APBB2: variants seen among roughly 807,000 people sequenced by gnomAD.
APBB2 encodes the protein amyloid beta precursor protein binding family B member 2.
In APBB2, 38 loss-of-function variants were observed where a neutral mutation model predicts 82.5. The ratio of observed to expected loss-of-function variants is 0.46; its 90% confidence interval spans 0.36 to 0.60. The LOEUF (loss-of-function observed/expected upper bound fraction) is 0.60. Ranked by LOEUF, APBB2 falls within the 20% of genes least tolerant of loss-of-function variation. APBB2 has a pLI of 0.00. For missense variants in APBB2, 772 were observed against 972.3 expected, an observed-to-expected ratio of 0.79 and a Z score of 2.74; for synonymous variants, 341 against 368.2, an observed-to-expected ratio of 0.93 and a Z score of 0.85.
chr4:40,859,332 G>A (rs1420338307), intron 12 of APBB2, among the ~76,000 whole-genome samples: 4 of 149,872 alleles, frequency 2.7e-5, no homozygotes, highest in African/African-American at 7.4e-5. Flanking sequence ...TGCAGTGGCC[G>A]CTATCTTGGC....
At chr4:40,887,961 G>C (rs1770810055) in intron 12 of APBB2, among the ~76,000 whole-genome samples, 1 of 152,152 alleles carries the variant, frequency 6.6e-6, no homozygotes, top group Non-Finnish European at 1.5e-5. Flanking sequence ...TTCCTGCTTT[G>C]TAGGACAACT....
At position 40,905,405 on chromosome 4, in the gene APBB2, G is replaced by A. The variant is rs77902837; in HGVS notation, c.1255-11994C>T. 3.6e-3 allele frequency among the ~76,000 whole-genome samples: 543 copies of A among 152,294 alleles called. 1 individual carries two copies. The highest frequency in any genetic ancestry group is 0.012 in the African/African-American group (505 of 41,548). On this transcript the variant is annotated intron_variant, in intron 10 of 17. Coordinates refer to ENST00000508593, the MANE Select transcript of APBB2 (RefSeq NM_004307.2). Reference sequence around the variant, plus strand: ...GAAAGAGGCAACGCAGTTGAGCAGCGGCCTCACAATCCTTCTTCACACACA... The same window carrying A: ...GAAAGAGGCAACGCAGTTGAGCAGCAGCCTCACAATCCTTCTTCACACACA...
chr4:41,183,557 G>C (rs1772015514), intron 1 of APBB2, among the ~76,000 whole-genome samples: 1 of 151,886 alleles, frequency 6.6e-6, no homozygotes, highest in South Asian at 2.1e-4. Context: ...ACATACATAG[G>C]GAGAACACCA....
rs1285190666 is a variant in APBB2, at chr4:40,814,199, CA to C, written c.*1892del. On this transcript the variant is annotated 3_prime_UTR_variant, in exon 18 of 18. Transcript: ENST00000508593. ...GAATGTAGAATCCTGCCCTCTACAA[CA>C]CTTTTGAGGCACGCTGTAGGAAAAC... The C allele has an allele frequency of 6.6e-6, 1 of 152,208 alleles. No individual in the cohort carries two copies. The highest frequency in any genetic ancestry group is 1.5e-5 in the Non-Finnish European group (1 of 68,040). 9.4% of individuals were successfully genotyped at this position (152,208 alleles called of 1,614,324 possible). A position where few individuals can be genotyped will look rare whatever the true frequency, so the allele number is the denominator to read the frequency against.
chr4:40,908,497 C>T (rs1258048840), intron 10 of APBB2, among the ~76,000 whole-genome samples: 2 of 152,124 alleles, frequency 1.3e-5, no homozygotes, highest in African/African-American at 4.8e-5. Flanking sequence ...GGGAGGCCGG[C>T]ATCCCCAGGC....
At chr4:40,930,538 G>A (rs1783974719) in intron 10 of APBB2, among the ~76,000 whole-genome samples, 1 of 151,114 alleles carries the variant, frequency 6.6e-6, no homozygotes, top group African/African-American at 2.5e-5. Flanking sequence ...AGGTTTCACT[G>A]AACAACTGAT....
chr4:41,010,618 A>C (rs1808068863), intron 6 of APBB2, among the ~76,000 whole-genome samples: 1 of 152,156 alleles, frequency 6.6e-6, no homozygotes, highest in Non-Finnish European at 1.5e-5. Flanking sequence ...TGACACCAGC[A>C]CTCAATAAGC....
chr4:41,161,857 GCTT>G (rs1481563440), intron 1 of APBB2, among the ~76,000 whole-genome samples: 1 of 151,524 alleles, frequency 6.6e-6, no homozygotes, highest in African/African-American at 2.4e-5. Flanking sequence ...TTTTTTTTCC[GCTT>G]ATTATAGAAA....
At position 40,832,251 on chromosome 4, in the gene APBB2, G is replaced by A. The variant is rs1211930197; in HGVS notation, c.1530-1674C>T. Reference sequence around the variant, plus strand: ...CCTTGGCGGCCTTGGGAAGGGACAGGGATTTACTATAGCAGGCAACTGGCC... The same window carrying A: ...CCTTGGCGGCCTTGGGAAGGGACAGAGATTTACTATAGCAGGCAACTGGCC... On this transcript the variant is annotated intron_variant, in intron 12 of 17. Coordinates refer to ENST00000508593, the MANE Select transcript of APBB2 (RefSeq NM_004307.2). This position sits in a 1 kb window ranked among gnomAD's most constrained non-coding sequence, Gnocchi z 4.8. Among the ~76,000 whole-genome samples, 7 of 152,128 alleles carry A rather than the reference G, an allele frequency of 4.6e-5. No homozygotes were observed. Among genetic ancestry groups the A allele is most frequent in the Admixed American group, 3.3e-4 (5 of 15,280 alleles).
chr4:40,914,525 C>G (rs1467251396), intron 10 of APBB2, among the ~76,000 whole-genome samples: 1 of 152,232 alleles, frequency 6.6e-6, no homozygotes, highest in African/African-American at 2.4e-5. Context: ...GCACTCCAGC[C>G]TGGGCAACAA....
At chr4:40,855,387 A>G (rs1464424315) in intron 12 of APBB2, among the ~76,000 whole-genome samples, 1 of 152,242 alleles carries the variant, frequency 6.6e-6, no homozygotes, top group Non-Finnish European at 1.5e-5. Context: ...AGCTAGAACT[A>G]AACAACGTGG....
At chr4:40,972,789 G>T (rs1396347089) in intron 6 of APBB2, among the ~76,000 whole-genome samples, 1 of 152,186 alleles carries the variant, frequency 6.6e-6, no homozygotes, top group Non-Finnish European at 1.5e-5. Context: ...AATACAGTTG[G>T]TGACATTAGA....
chr4:41,091,018 A>G (rs1301468773), intron 3 of APBB2, among the ~76,000 whole-genome samples: 1 of 152,106 alleles, frequency 6.6e-6, no homozygotes, highest in East Asian at 1.9e-4. Flanking sequence ...AGTCCATGAT[A>G]TGCCATGTGA....
At chr4:41,212,698 A>G (rs900145830) in intron 1 of APBB2, among the ~76,000 whole-genome samples, 1 of 152,190 alleles carries the variant, frequency 6.6e-6, no homozygotes, top group Non-Finnish European at 1.5e-5. Flanking sequence ...TCGGGGTCAT[A>G]CAGTACATGG....
chr4:40,930,456 C>CGCGCGCGCGT (rs1553865758), intron 10 of APBB2, among the ~76,000 whole-genome samples: 1 of 124,520 alleles, frequency 8.0e-6, no homozygotes, highest in Non-Finnish European at 1.6e-5. Flanking sequence ...TGTGCGCGCG[C>CGCGCGCGCGT]GCGCGCGCGC....
chr4:40,978,714 A>T (rs765207640), intron 6 of APBB2, among the ~76,000 whole-genome samples: 16 of 152,164 alleles, frequency 1.1e-4, no homozygotes, highest in Non-Finnish European at 1.6e-4. Flanking sequence ...CAGTTCCTTG[A>T]CCATATGAGT....
At chr4:41,178,673 A>T (rs940775389) in intron 1 of APBB2, among the ~76,000 whole-genome samples, 1 of 152,228 alleles carries the variant, frequency 6.6e-6, no homozygotes, top group Admixed American at 6.5e-5. Context: ...ACATTCTCTC[A>T]TAAATTTTCT....
At chr4:40,858,637 A>G (rs1402729007) in intron 12 of APBB2, among the ~76,000 whole-genome samples, 1 of 152,212 alleles carries the variant, frequency 6.6e-6, no homozygotes, top group African/African-American at 2.4e-5. Flanking sequence ...AACACACCAC[A>G]GGTGTACAGA....
At chr4:41,149,341 G>A (rs962002170) in intron 1 of APBB2, among the ~76,000 whole-genome samples, 3 of 151,914 alleles carry the variant, frequency 2.0e-5, no homozygotes, top group African/African-American at 7.3e-5. Flanking sequence ...CATGCCAAAA[G>A]TCTGTCTTAG....
Sources: allele counts gnomAD v4.1 joint callset (sites outside exome capture counted in the v4.1 genomes callset), GRCh38; gene constraint gnomAD v4.1.1; non-coding constraint Gnocchi (gnomAD v3.1); transcripts MANE v1.5; gene names NCBI Gene and HGNC (gene_info 2026-07-23, HGNC 2026-07-21).